SLC35F2: variants seen among roughly 807,000 people sequenced by gnomAD.
The protein encoded by SLC35F2 is queuine/queuosine transporter SLC35F2.
A neutral mutation model predicts 38.1 loss-of-function variants in SLC35F2; 25 were observed. That is an observed-to-expected ratio of 0.66 (90% CI 0.48 to 0.92). SLC35F2 has a LOEUF of 0.92. SLC35F2 is among the 40% of genes least tolerant of loss of function. SLC35F2 has a pLI of 0.00. For synonymous variants in SLC35F2, 173 were observed against 181.7 expected, an observed-to-expected ratio of 0.95 and a Z score of 0.38; for missense variants, 409 against 452.9, an observed-to-expected ratio of 0.90 and a Z score of 0.88.
chr11:107,837,237 T>C (rs751667016), intron 1 of SLC35F2, among the ~76,000 whole-genome samples: 17 of 152,236 alleles, frequency 1.1e-4, no homozygotes, highest in Non-Finnish European at 2.5e-4. Flanking sequence ...CTCTTACGTA[T>C]ATTAACATAC....
intron 1 of SLC35F2, among the ~76,000 whole-genome samples, chr11:107,853,028 G>A (rs1860213889): frequency 1.3e-5 from 2 of 152,094 alleles, no homozygotes; most frequent in African/African-American, 2.4e-5. Flanking sequence ...AAAGTAATGT[G>A]GGTGTAGACT....
At chr11:107,855,545 G>C (rs975261609) in intron 1 of SLC35F2, among the ~76,000 whole-genome samples, 6 of 151,902 alleles carry the variant, frequency 3.9e-5, no homozygotes, top group Non-Finnish European at 8.8e-5. Context: ...CCAGCTACTT[G>C]GCAGGCTGAG....
At chr11:107,801,086 G>A (rs917111892) in intron 7 of SLC35F2, among the ~76,000 whole-genome samples, 1 of 152,008 alleles carries the variant, frequency 6.6e-6, no homozygotes, top group Non-Finnish European at 1.5e-5. Flanking sequence ...TGTATTTTTA[G>A]TGGAGAGGGG....
intron 1 of SLC35F2, chr11:107,823,311 C>CA: frequency 1.6e-6 from 1 of 608,626 alleles, no homozygotes; most frequent in Non-Finnish European, 2.1e-6. Flanking sequence ...TATTTGAATG[C>CA]AAATTATGCA....
At chr11:107,804,125 C>T (rs935298939) in intron 6 of SLC35F2, among the ~76,000 whole-genome samples, 3 of 151,952 alleles carry the variant, frequency 2.0e-5, no homozygotes, top group South Asian at 2.1e-4. Flanking sequence ...CGTGAGCCAC[C>T]GCACCAGGCC....
chr11:107,833,323 C>T (rs1319195468), intron 1 of SLC35F2, among the ~76,000 whole-genome samples: 1 of 151,860 alleles, frequency 6.6e-6, no homozygotes, highest in Non-Finnish European at 1.5e-5. Context: ...AGATCAAGAC[C>T]ATCCTGGCCA....
At chr11:107,854,802 C>G (rs1421315180) in intron 1 of SLC35F2, among the ~76,000 whole-genome samples, 1 of 152,058 alleles carries the variant, frequency 6.6e-6, no homozygotes, top group Non-Finnish European at 1.5e-5. Flanking sequence ...ACCCAGTTGC[C>G]CAAAAAGCCT....
chr11:107,845,082 ATTATTT>A (rs1222358322), intron 1 of SLC35F2, among the ~76,000 whole-genome samples: 1 of 151,988 alleles, frequency 6.6e-6, no homozygotes, highest in East Asian at 1.9e-4. Context: ...AAATGTTATT[ATTATTT>A]TTATTTCTTG....
intron 1 of SLC35F2, among the ~76,000 whole-genome samples, chr11:107,844,333 A>G (rs928054628): frequency 2.6e-4 from 40 of 152,262 alleles, no homozygotes; most frequent in African/African-American, 8.9e-4. Context: ...CTGCCGCAGA[A>G]AGTTATTATA....
intron 1 of SLC35F2, among the ~76,000 whole-genome samples, chr11:107,846,409 G>T (rs1860105620): frequency 6.6e-6 from 1 of 152,074 alleles, no homozygotes; most frequent in African/African-American, 2.4e-5. Flanking sequence ...TCATATATTT[G>T]TCTTAAATAT....
At chr11:107,827,795 C>A (rs919581096) in intron 1 of SLC35F2, among the ~76,000 whole-genome samples, 3 of 150,796 alleles carry the variant, frequency 2.0e-5, no homozygotes, top group Admixed American at 6.6e-5. Flanking sequence ...CCCATAATCC[C>A]AACTATCCAG....
rs1860183863 is a variant in SLC35F2, at chr11:107,851,447, G to A, written c.110+7211C>T. 2.8e-5 allele frequency among the ~76,000 whole-genome samples: 4 copies of A among 141,466 alleles called. No individual in the cohort carries two copies. In the South Asian group the frequency reaches 6.8e-4, roughly 24 times the overall value. 92.8% of individuals were successfully genotyped at this position (141,466 alleles called of 152,430 possible). A position where few individuals can be genotyped will look rare whatever the true frequency, so the allele number is the denominator to read the frequency against. On this transcript the variant is annotated intron_variant, in intron 1 of 7. Coordinates refer to ENST00000525815, the MANE Select transcript of SLC35F2 (RefSeq NM_017515.5). Reference sequence around the variant, plus strand: ...CATTCCACTCCAGCCTGGGTGACAAGAGAGAAACTCCGTCTCAAAAAAAAT... The same window carrying A: ...CATTCCACTCCAGCCTGGGTGACAAAAGAGAAACTCCGTCTCAAAAAAAAT...
rs1207765523 is a variant in SLC35F2 at position 107,842,899 on chromosome 11, GA to G, written c.110+15758del. Among the ~76,000 whole-genome samples the G allele has an allele frequency of 2.0e-5, 3 of 152,006 alleles. No individual in the cohort carries two copies. In the East Asian group the frequency reaches 5.8e-4, roughly 29 times the overall value. ...TCTGTATACAATAGCAAAAAACCCG[GA>G]AAAAACCCAAATGCCCATCAACAGC... On this transcript the variant is annotated intron_variant, in intron 1 of 7. Coordinates refer to ENST00000525815, the MANE Select transcript of SLC35F2 (RefSeq NM_017515.5).
At chr11:107,825,847 C>G (rs188336133) in intron 1 of SLC35F2, among the ~76,000 whole-genome samples, 2 of 152,228 alleles carry the variant, frequency 1.3e-5, no homozygotes, top group East Asian at 3.9e-4. Context: ...GTTTTTGACA[C>G]TTCAAAAACT....
intron 3 of SLC35F2, among the ~76,000 whole-genome samples, chr11:107,807,594 A>T (rs1247053777): frequency 6.7e-6 from 1 of 148,916 alleles, no homozygotes; most frequent in Non-Finnish European, 1.5e-5. Flanking sequence ...TTTTTTTGAG[A>T]TGGAGTCTCG....
intron 7 of SLC35F2, among the ~76,000 whole-genome samples, chr11:107,793,354 T>G (rs890830413): frequency 6.6e-6 from 1 of 152,122 alleles, no homozygotes; most frequent in Non-Finnish European, 1.5e-5. Flanking sequence ...TTAGGAGAAA[T>G]GGACCTTTGC....
chr11:107,839,386 A>G (rs1248776284), intron 1 of SLC35F2, among the ~76,000 whole-genome samples: 5 of 152,138 alleles, frequency 3.3e-5, no homozygotes. Flanking sequence ...ACTTGAACCC[A>G]GGAGGCAGAG....
chr11:107,829,823 C>T (rs1859808541), intron 1 of SLC35F2, among the ~76,000 whole-genome samples: 2 of 151,796 alleles, frequency 1.3e-5, no homozygotes, highest in Non-Finnish European at 2.9e-5. Flanking sequence ...TTTAACAATC[C>T]CTTCAATTAT....
rs1002793929 is a variant in SLC35F2, at chr11:107,821,328, T to C, written c.111-5363A>G. 9.3e-6 allele frequency: 8 copies of C among 864,472 alleles called. No individual in the cohort carries two copies. In the African/African-American group the frequency reaches 1.5e-4, roughly 16 times the overall value. The allele number at this position is 864,472 out of a possible 1,614,324, so 53.6% of individuals were successfully genotyped here. A position where few individuals can be genotyped will look rare whatever the true frequency, so the allele number is the denominator to read the frequency against. On this transcript the variant is annotated intron_variant, in intron 1 of 7. Coordinates refer to ENST00000525815, the MANE Select transcript of SLC35F2 (RefSeq NM_017515.5). ...GTCCTCCAACTATAAAGTAAAACTATCTTCTAAAAAAAGGAGAGTCACAAA... is the reference window on the plus strand; with the variant it reads ...GTCCTCCAACTATAAAGTAAAACTACCTTCTAAAAAAAGGAGAGTCACAAA...
Sources: gnomAD v4.1 joint callset for allele counts (sites outside exome capture counted in the v4.1 genomes callset) on GRCh38, gnomAD v4.1.1 for gene constraint, MANE v1.5 for transcripts, NCBI Gene and HGNC (gene_info 2026-07-23, HGNC 2026-07-21) for gene names.